Variants in CNTN6 observed in about 807,000 individuals in gnomAD.
The protein encoded by CNTN6 is contactin-6.
A neutral mutation model predicts 122.8 loss-of-function variants in CNTN6; 137 were observed. That is an observed-to-expected ratio of 1.12 (90% CI 0.97 to 1.29). The LOEUF (loss-of-function observed/expected upper bound fraction) is 1.29, where lower values mean the gene tolerates loss of function less well. Ranked by LOEUF, CNTN6 falls within the 50% of genes most tolerant of loss-of-function variation. CNTN6 has a pLI of 0.00. For synonymous variants in CNTN6, 570 were observed against 426.0 expected (o/e 1.34, Z -4.16); for missense variants, 1,634 against 1,223.4 (o/e 1.34, Z -5.01).
intron 2 of CNTN6, among the ~76,000 whole-genome samples, chr3:1,158,753 T>TAC (rs1366979072): frequency 1.4e-5 from 2 of 138,608 alleles, no homozygotes; most frequent in Admixed American, 1.6e-4. Flanking sequence ...TATATATATA[T>TAC]ACATATATAT....
intron 20 of CNTN6, among the ~76,000 whole-genome samples, chr3:1,396,721 T>A (rs542112762): frequency 4.4e-4 from 67 of 152,320 alleles, no homozygotes; most frequent in Admixed American, 2.6e-3. Flanking sequence ...TTTCACTTTA[T>A]AAGTTTGTTG....
intron 4 of CNTN6, among the ~76,000 whole-genome samples, chr3:1,256,844 A>G (rs202049806): frequency 6.6e-6 from 1 of 152,006 alleles, no homozygotes; most frequent in African/African-American, 2.4e-5. Context: ...TAAAATAACT[A>G]TCTATTATAT....
intron 7 of CNTN6, among the ~76,000 whole-genome samples, chr3:1,318,435 G>A (rs903339881): frequency 6.6e-6 from 1 of 151,538 alleles, no homozygotes; most frequent in African/African-American, 2.4e-5. Flanking sequence ...TCCTACAGTT[G>A]GTATTTTAAC....
At chr3:1,277,298 A>G (rs1692543754) in intron 4 of CNTN6, among the ~76,000 whole-genome samples, 2 of 150,088 alleles carry the variant, frequency 1.3e-5, no homozygotes, top group South Asian at 4.2e-4. Flanking sequence ...TTTTATTCAC[A>G]AATAAACCTT....
chr3:1,281,656 G>T (rs1248238), intron 5 of CNTN6, among the ~76,000 whole-genome samples: 5 of 151,904 alleles, frequency 3.3e-5, no homozygotes, highest in African/African-American at 1.2e-4. Flanking sequence ...GTAGAGGCGG[G>T]GTTTCACTTC....
intron 12 of CNTN6, among the ~76,000 whole-genome samples, chr3:1,371,109 A>G (rs1349781388): frequency 5.9e-5 from 9 of 152,142 alleles, no homozygotes; most frequent in Non-Finnish European, 1.2e-4. Context: ...AAATGTTTAA[A>G]TGGTCAAATA....
At chr3:1,104,448 A>G (rs1387776799) in intron 1 of CNTN6, among the ~76,000 whole-genome samples, 2 of 152,078 alleles carry the variant, frequency 1.3e-5, no homozygotes, top group Admixed American at 6.6e-5. Flanking sequence ...CACAGACCCA[A>G]CTCTTTCCCT....
At chr3:1,213,533 T>G (rs1268781364) in intron 2 of CNTN6, among the ~76,000 whole-genome samples, 1 of 151,898 alleles carries the variant, frequency 6.6e-6, no homozygotes, top group African/African-American at 2.4e-5. Context: ...CTATGAAATA[T>G]TATGCAAAGA....
intron 12 of CNTN6, among the ~76,000 whole-genome samples, chr3:1,369,381 GTT>G (rs5846111): frequency 0.3 from 41,570 of 137,448 alleles, 6,677 homozygotes; most frequent in African/African-American, 0.44. Flanking sequence ...CTTGCTGCGG[GTT>G]TTTTTTTTTT....
chr3:1,213,419 A>G (rs2094076163), intron 2 of CNTN6, among the ~76,000 whole-genome samples: 1 of 152,142 alleles, frequency 6.6e-6, no homozygotes, highest in African/African-American at 2.4e-5. Flanking sequence ...ACCATCAAAA[A>G]TTAAGTTACC....
intron 4 of CNTN6, among the ~76,000 whole-genome samples, chr3:1,269,873 T>G (rs373119694): frequency 3.7e-4 from 57 of 152,298 alleles, no homozygotes; most frequent in African/African-American, 1.3e-3. Context: ...TCTCTACTTA[T>G]ATATAAATTT....
intron 12 of CNTN6, among the ~76,000 whole-genome samples, chr3:1,361,255 C>T (rs1707422869): frequency 6.6e-6 from 1 of 152,112 alleles, no homozygotes; most frequent in Non-Finnish European, 1.5e-5. Flanking sequence ...AAATGTTAAG[C>T]TTGGAAACCC....
chr3:1,124,713 C>G (rs534625838), intron 1 of CNTN6, among the ~76,000 whole-genome samples: 1 of 151,894 alleles, frequency 6.6e-6, no homozygotes, highest in South Asian at 2.1e-4. Flanking sequence ...GAAAGAACAT[C>G]CCTTCCGCTT....
chr3:1,147,159 T>A (rs2092740534), intron 1 of CNTN6, among the ~76,000 whole-genome samples: 2 of 152,090 alleles, frequency 1.3e-5, no homozygotes, highest in South Asian at 4.1e-4. Flanking sequence ...GAAAATATGT[T>A]TCCACTATGT....
At chr3:1,306,358 C>G (rs927757332) in intron 7 of CNTN6, among the ~76,000 whole-genome samples, 1 of 152,062 alleles carries the variant, frequency 6.6e-6, no homozygotes, top group Non-Finnish European at 1.5e-5. Flanking sequence ...CTATAGAACA[C>G]TCACCTCTGT....
At chr3:1,238,484 A>G (rs2094447019) in intron 4 of CNTN6, among the ~76,000 whole-genome samples, 1 of 152,220 alleles carries the variant, frequency 6.6e-6, no homozygotes, top group African/African-American at 2.4e-5. Flanking sequence ...TGGCAACACA[A>G]TAATAGTGGA....
rs138713194 is a variant in CNTN6, at chr3:1,360,638, A to G, written c.1492+8187A>G. Among the ~76,000 whole-genome samples, 11 of 151,680 alleles carry G rather than the reference A, an allele frequency of 7.3e-5. No individual in the cohort carries two copies. In the East Asian group the frequency reaches 2.1e-3, roughly 29 times the overall value. On this transcript the variant is annotated intron_variant, in intron 12 of 22. Coordinates refer to ENST00000446702, the MANE Select transcript of CNTN6 (RefSeq NM_001289080.2). The stretch of plus-strand genomic sequence containing the variant: ...TTTTTTCTCTCTTAGTCTTCATTTT[A>G]TAGCTGTACCTACCCTTTGTATCTC...
At chr3:1,378,372 G>A (rs1294944577) in intron 17 of CNTN6, among the ~76,000 whole-genome samples, 1 of 152,142 alleles carries the variant, frequency 6.6e-6, no homozygotes, top group Non-Finnish European at 1.5e-5. Flanking sequence ...ACTTCACATA[G>A]CTAGGCTATG....
intron 2 of CNTN6, among the ~76,000 whole-genome samples, chr3:1,199,844 T>A (rs1480880597): frequency 6.6e-6 from 1 of 152,188 alleles, no homozygotes; most frequent in African/African-American, 2.4e-5. Flanking sequence ...TGCAAAAACT[T>A]TCTTAAACAG....
Sources: gnomAD v4.1 joint callset for allele counts (sites outside exome capture counted in the v4.1 genomes callset) on GRCh38, gnomAD v4.1.1 for gene constraint, MANE v1.5 for transcripts, NCBI Gene and HGNC (gene_info 2026-07-23, HGNC 2026-07-21) for gene names.